The following QTMAN variants were observed in gnomAD, a reference collection of about 807,000 sequenced individuals.
QTMAN encodes the protein queuosine-tRNA mannosyltransferase.
the QTMAN span, among the ~76,000 whole-genome samples, chr2:143,992,203 G>C: frequency 6.6e-6 from 1 of 150,718 alleles, no homozygotes; most frequent in East Asian, 1.9e-4. Flanking sequence ...AAATTCTTCT[G>C]CCTGGGGATC....
At chr2:144,118,818 T>C in the QTMAN span, among the ~76,000 whole-genome samples, 1 of 152,140 alleles carries the variant, frequency 6.6e-6, no homozygotes, top group African/African-American at 2.4e-5. Context: ...GAGGCGAAGC[T>C]TGCAGTGAGC....
the QTMAN span, among the ~76,000 whole-genome samples, chr2:143,995,763 A>G: frequency 3.3e-5 from 5 of 152,204 alleles, no homozygotes; most frequent in Non-Finnish European, 2.9e-5. Context: ...GGAATTGTAC[A>G]TATCTACGCT....
the QTMAN span, among the ~76,000 whole-genome samples, chr2:144,297,576 TC>T: frequency 2.0e-5 from 3 of 147,160 alleles, no homozygotes; most frequent in Admixed American, 6.7e-5. Context: ...CAGGATTCCG[TC>T]TTTTTTTTTT....
chr2:144,015,679 T>C, the QTMAN span, among the ~76,000 whole-genome samples: 1 of 152,214 alleles, frequency 6.6e-6, no homozygotes, highest in Non-Finnish European at 1.5e-5. Context: ...ATGGGGTATG[T>C]TCAGGTACCA....
chr2:144,095,066 A>T, the QTMAN span, among the ~76,000 whole-genome samples: 6 of 151,800 alleles, frequency 4.0e-5, no homozygotes, highest in African/African-American at 1.2e-4. Context: ...CAAAAGTTAA[A>T]CTCCTTTTTA....
At chr2:143,943,342 T>C in the QTMAN span, 1 of 152,200 alleles carries the variant, frequency 6.6e-6, no homozygotes, top group African/African-American at 2.4e-5. Context: ...ACTCTCTTCA[T>C]TGTTAAACAT....
At chr2:144,082,597 T>TAAAAA in the QTMAN span, among the ~76,000 whole-genome samples, 2 of 149,238 alleles carry the variant, frequency 1.3e-5, no homozygotes, top group Non-Finnish European at 3.0e-5. Flanking sequence ...CCCATATAGT[T>TAAAAA]AAAAAAAAAA....
At chr2:144,294,506 G>C in the QTMAN span, 1 of 152,098 alleles carries the variant, frequency 6.6e-6, no homozygotes, top group African/African-American at 2.4e-5. Context: ...GGGCAAAAAT[G>C]GTATTCATTA....
chr2:144,313,748 T>A, the QTMAN span, among the ~76,000 whole-genome samples: 5 of 151,776 alleles, frequency 3.3e-5, no homozygotes, highest in East Asian at 9.7e-4. Context: ...TAATTTCATA[T>A]ATACTTAATC....
At chr2:144,119,085 G>C in the QTMAN span, among the ~76,000 whole-genome samples, 2 of 152,042 alleles carry the variant, frequency 1.3e-5, no homozygotes, top group South Asian at 2.1e-4. Context: ...GTAATGTCTG[G>C]GCAAGAGACC....
At chr2:144,152,589 TA>T in the QTMAN span, among the ~76,000 whole-genome samples, 2 of 152,214 alleles carry the variant, frequency 1.3e-5, no homozygotes, top group African/African-American at 4.8e-5. Flanking sequence ...TGCATACATT[TA>T]AACATTTTTT....
At chr2:144,137,396 C>T in the QTMAN span, among the ~76,000 whole-genome samples, 1 of 151,782 alleles carries the variant, frequency 6.6e-6, no homozygotes, top group African/African-American at 2.4e-5. Flanking sequence ...TTTTAACTTC[C>T]CATATATTTT....
At chr2:144,252,031 A>G in the QTMAN span, among the ~76,000 whole-genome samples, 3 of 151,736 alleles carry the variant, frequency 2.0e-5, no homozygotes, top group African/African-American at 4.8e-5. Flanking sequence ...ACCTGCCTCT[A>G]TGTTTTTTTT....
the QTMAN span, among the ~76,000 whole-genome samples, chr2:144,055,219 C>A: frequency 2.4e-3 from 365 of 152,108 alleles, 5 homozygotes; most frequent in African/African-American, 8.4e-3. Context: ...AGTTTTATTG[C>A]TGTTAATATT....
the QTMAN span, among the ~76,000 whole-genome samples, chr2:144,026,099 C>G: frequency 2.0e-5 from 3 of 152,074 alleles, no homozygotes; most frequent in African/African-American, 4.8e-5. Flanking sequence ...TTAGAAGAGG[C>G]CTTTTCAAAC....
the QTMAN span, chr2:144,007,139 A>T: frequency 9.0e-7 from 1 of 1,105,086 alleles, no homozygotes; most frequent in Non-Finnish European, 1.3e-6. Flanking sequence ...ATTTTCTTTT[A>T]CCAGTTCTAC....
chr2:144,095,127 C>T, the QTMAN span, among the ~76,000 whole-genome samples: 1 of 152,172 alleles, frequency 6.6e-6, no homozygotes, highest in East Asian at 1.9e-4. Context: ...CCTATCCTTC[C>T]CTATCTAGCT....
chr2:144,263,350 C>T, the QTMAN span, among the ~76,000 whole-genome samples: 1 of 152,066 alleles, frequency 6.6e-6, no homozygotes, highest in Non-Finnish European at 1.5e-5. Flanking sequence ...CTATGGAAAA[C>T]ATCGTTCAGG....
At chr2:143,957,391 T>C in the QTMAN span, 1 of 1,185,352 alleles carries the variant, frequency 8.4e-7, no homozygotes, top group Non-Finnish European at 1.1e-6. Flanking sequence ...TGTAAAATGA[T>C]ATGAGATGTC....
Sources: gnomAD v4.1 joint callset for allele counts (sites outside exome capture counted in the v4.1 genomes callset) on GRCh38, gnomAD v4.1.1 for gene constraint, MANE v1.5 for transcripts, NCBI Gene and HGNC (gene_info 2026-07-23, HGNC 2026-07-21) for gene names.